The following ODR4 variants were observed in gnomAD, a reference collection of about 807,000 sequenced individuals.
ODR4 encodes protein odr-4 homolog.
A neutral mutation model predicts 60.2 loss-of-function variants in ODR4; 47 were observed. The ratio of observed to expected loss-of-function variants is 0.78; its 90% CI spans 0.62 to 1.00. The LOEUF (loss-of-function observed/expected upper bound fraction) is 1.00. ODR4 is among the 50% of genes least tolerant of loss of function. The probability of loss-of-function intolerance (pLI) is 0.00; values close to 1 mark genes in which losing one functional copy is unlikely to be tolerated. For missense variants in ODR4, 488 were observed against 530.8 expected (o/e 0.92, Z 0.79); for synonymous variants, 178 against 175.5 (o/e 1.01, Z -0.11).
intron 12 of ODR4, chr1:186,411,940 T>A (rs1661396123): frequency 2.2e-6 from 1 of 456,560 alleles, no homozygotes; most frequent in African/African-American, 2.1e-5. Flanking sequence ...GGTTTCTAGA[T>A]GATATTACAC....
chr1:186,411,708 G>T (rs567838732), intron 12 of ODR4: 1 of 187,676 alleles, frequency 5.3e-6, no homozygotes, highest in South Asian at 1.8e-4. Context: ...CTGATTTGTG[G>T]ATTTTAACTT....
At chr1:186,418,962 T>G in intron 13 of ODR4, 47 bp from the exon 14 acceptor site, 2 of 1,541,616 alleles carry the variant, frequency 1.3e-6, no homozygotes, top group Non-Finnish European at 1.8e-6. Flanking sequence ...TTGGCCTTTC[T>G]TTTGCTCATT....
At chr1:186,376,125 TA>T (rs1208714307) in intron 1 of ODR4, among the ~76,000 whole-genome samples, 151 bp downstream of exon 1, 2 of 151,978 alleles carry the variant, frequency 1.3e-5, no homozygotes, top group Admixed American at 6.5e-5. Context: ...ACGGCGTACC[TA>T]AATGGTTTTT....
At chr1:186,382,681 T>G (rs900477811) in intron 2 of ODR4, among the ~76,000 whole-genome samples, 3 of 152,220 alleles carry the variant, frequency 2.0e-5, no homozygotes, top group Non-Finnish European at 4.4e-5. Flanking sequence ...ACTAGAAAAC[T>G]GAATAAGCAT....
chr1:186,418,996 GT>G lies in ODR4; in HGVS notation c.1298-9del. The G allele has an allele frequency of 6.3e-7, 1 of 1,597,446 alleles. No homozygotes were observed. The stretch of plus-strand genomic sequence containing the variant: ...TTCCATTTTCATTTGTTCTGTGTTT[GT>G]TTTACTTTTAGGTGTGATTGCAGCA... On this transcript the variant is annotated splice_polypyrimidine_tract_variant and intron_variant, in intron 13 of 13. Transcript: ENST00000287859.
At chr1:186,390,994 G>A in intron 7 of ODR4, 143 bp downstream of exon 7, 1 of 871,102 alleles carries the variant, frequency 1.1e-6, no homozygotes, top group Non-Finnish European at 1.7e-6. Flanking sequence ...TATTACCGCA[G>A]CCAAATTAGA....
chr1:186,386,060 G>T lies in ODR4; in HGVS notation c.307G>T (p.Asp103Tyr). 1 of 1,598,502 alleles carries T rather than the reference G, an allele frequency of 6.3e-7. No homozygotes were observed. Among genetic ancestry groups the T allele is most frequent in the Non-Finnish European group, 8.5e-7 (1 of 1,170,780 alleles). ...TATTACTACTTTAGAACTGGCAAATGATTTTCAAAATGCCCTGCGTAGAGT... is the reference window on the plus strand; with the variant it reads ...TATTACTACTTTAGAACTGGCAAATTATTTTCAAAATGCCCTGCGTAGAGT... ...FIITTLELAN[D>Y]FQNALRRLMF... The change falls in exon 4 of 14, where the codon GAT becomes TAT. Residue 103 changes from aspartate (D) to tyrosine (Y), a missense_variant. By Grantham distance (160) the Asp-to-Tyr change is radical (BLOSUM62 -3). Transcript: ENST00000287859.
intron 2 of ODR4, among the ~76,000 whole-genome samples, chr1:186,380,866 C>A (rs192477571): frequency 2.0e-5 from 3 of 152,352 alleles, no homozygotes; most frequent in Admixed American, 1.3e-4. Context: ...CTCAAGTGTT[C>A]AGATGCCTTC....
intron 12 of ODR4, among the ~76,000 whole-genome samples, chr1:186,409,236 A>G (rs1172902383): frequency 1.3e-5 from 2 of 152,002 alleles, no homozygotes; most frequent in African/African-American, 4.8e-5. Flanking sequence ...ACTGTAATGT[A>G]TTCCTAAGAG....
At chr1:186,391,610 T>G in intron 7 of ODR4, 86 bp from the exon 8 acceptor site, 1 of 831,914 alleles carries the variant, frequency 1.2e-6, no homozygotes, top group Non-Finnish European at 2.0e-6. Context: ...ATATTTCAAT[T>G]TATTAGGTGG....
chr1:186,376,029 T>A (rs1571650668), intron 1 of ODR4, 55 bp downstream of exon 1: 1 of 143,900 alleles, frequency 6.9e-6, no homozygotes, highest in African/African-American at 2.6e-5. Flanking sequence ...TGTGCTCTCT[T>A]TTCAAGAGAA....
chr1:186,422,006 A>G (rs1341808509), downstream of ODR4, among the ~76,000 whole-genome samples: 1 of 152,024 alleles, frequency 6.6e-6, no homozygotes, highest in African/African-American at 2.4e-5. Context: ...TAAGATAATA[A>G]CAAGTCTAAT....
chr1:186,391,634 A>G (rs1165939367), intron 7 of ODR4, 62 bp from the exon 8 acceptor site: 1 of 993,580 alleles, frequency 1.0e-6, no homozygotes, highest in South Asian at 1.4e-5. Context: ...AAAGTAGATT[A>G]TAGGAAGTTT....
In ODR4 at chr1:186,420,876, A is replaced by C. The variant is rs891582314; in HGVS notation, c.*1800A>C. The stretch of plus-strand genomic sequence containing the variant: ...TTTACAAATTTGTTGGAAAAACATG[A>C]ATTCATAAATTCAGGAAGCACAATA... On this transcript the variant is annotated 3_prime_UTR_variant, in exon 14 of 14. Coordinates refer to ENST00000287859, the MANE Select transcript of ODR4 (RefSeq NM_017847.6). 1.3e-5 allele frequency: 2 copies of C among 152,224 alleles called. No individual in the cohort carries two copies. Among genetic ancestry groups the C allele is most frequent in the Non-Finnish European group, 2.9e-5 (2 of 68,032 alleles). 9.4% of individuals were successfully genotyped at this position (152,224 alleles called of 1,614,324 possible). A position where few individuals can be genotyped will look rare whatever the true frequency, so the allele number is the denominator to read the frequency against.
chr1:186,397,776 C>A (rs911624464), intron 9 of ODR4, among the ~76,000 whole-genome samples: 1 of 152,098 alleles, frequency 6.6e-6, no homozygotes, highest in African/African-American at 2.4e-5. Context: ...ACCTGAAAAC[C>A]GAACAAGAGC....
At chr1:186,390,643 T>A in intron 6 of ODR4, 68 bp from the exon 7 acceptor site, 1 of 1,471,416 alleles carries the variant, frequency 6.8e-7, no homozygotes, top group Non-Finnish European at 9.5e-7. Flanking sequence ...TATTTAATAA[T>A]GTTTTGTTGA....
chr1:186,385,189 T>C (rs961654219), intron 3 of ODR4, among the ~76,000 whole-genome samples: 3 of 151,556 alleles, frequency 2.0e-5, no homozygotes, highest in Non-Finnish European at 4.4e-5. Flanking sequence ...AAGGTAAAAT[T>C]AGATATAGCA....
In ODR4 at chr1:186,388,433, CTCTT is replaced by C. The variant is rs776583597; in HGVS notation, c.331-6_331-3del. On this transcript the variant is annotated splice_polypyrimidine_tract_variant and splice_region_variant and intron_variant, in intron 4 of 13. Transcript: ENST00000287859. The stretch of plus-strand genomic sequence containing the variant: ...ACATTCAATTAGTGTGTATTTTTCT[CTCTT>C]TCAGCTAATGTTTGCTGTGGAAAAG... 1.1e-5 allele frequency: 16 copies of C among 1,462,040 alleles called. No homozygotes were observed. The highest frequency in any genetic ancestry group is 2.9e-5 in the African/African-American group (2 of 69,132). The allele number at this position is 1,462,040 out of a possible 1,614,324, so 90.6% of individuals were successfully genotyped here. A position where few individuals can be genotyped will look rare whatever the true frequency, so the allele number is the denominator to read the frequency against.
At chr1:186,426,486 T>C in the ODR4 span, among the ~76,000 whole-genome samples, 1 of 152,232 alleles carries the variant, frequency 6.6e-6, no homozygotes, top group African/African-American at 2.4e-5. Context: ...AGCATGGTGA[T>C]TGAATTCCAA....
Sources: allele counts gnomAD v4.1 joint callset (sites outside exome capture counted in the v4.1 genomes callset), GRCh38; gene constraint gnomAD v4.1.1; transcripts MANE v1.5; gene names NCBI Gene and HGNC (gene_info 2026-07-23, HGNC 2026-07-21).